KAZN: variants seen among roughly 807,000 people sequenced by gnomAD.
KAZN encodes kazrin.
Under a neutral mutation model 87.4 loss-of-function variants are expected in KAZN, and 40 were observed. That is an observed-to-expected ratio of 0.46 (90% confidence interval 0.36 to 0.60). The LOEUF is 0.60. Among genes scored for constraint, KAZN ranks in the 20% least tolerant of loss-of-function variants. The pLI is 0.00. For missense variants in KAZN, 898 were observed against 1,073.9 expected, an observed-to-expected ratio of 0.84 and a Z score of 2.29; for synonymous variants, 466 against 458.3, an observed-to-expected ratio of 1.02 and a Z score of -0.22.
At chr1:14,668,647 T>A (rs953040618) in intron 1 of KAZN, among the ~76,000 whole-genome samples, 1 of 151,948 alleles carries the variant, frequency 6.6e-6, no homozygotes, top group Non-Finnish European at 1.5e-5. Context: ...TGTTGCCTCC[T>A]CCCCTCCCTG....
chr1:13,972,839 G>A (rs2101053612), intron 1 of KAZN, among the ~76,000 whole-genome samples: 1 of 152,234 alleles, frequency 6.6e-6, no homozygotes, highest in African/African-American at 2.4e-5. Context: ...TAAAATTAAG[G>A]TTTTGACTAA....
chr1:14,510,951 G>T (rs146105848), intron 2 of KAZN, among the ~76,000 whole-genome samples: 12 of 152,200 alleles, frequency 7.9e-5, no homozygotes, highest in African/African-American at 2.9e-4. Context: ...AGATGTCAAA[G>T]TTGTCTTAAC....
Position 14,580,491 on chromosome 1 carries a change from T to C in KAZN, c.250-18492T>C. ...ACTCTATCTCAAATAAATAAATAAA[T>C]AAATAAATAAATAAATAAATAAATA... On this transcript the variant is annotated intron_variant, in intron 2 of 16. Transcript: ENST00000636203. Among the ~76,000 whole-genome samples the C allele has an allele frequency of 2.7e-5, 4 of 147,312 alleles. No homozygotes were observed. In the South Asian group the frequency reaches 8.4e-4, roughly 31 times the overall value.
Position 14,514,376 on chromosome 1 carries a change from AT to A in KAZN, c.250-84606del, listed in dbSNP as rs1196685814. ...TATTATATATATATTTATATATATA[AT>A]ATATATATATTATATATATTTATAT... On this transcript the variant is annotated intron_variant, in intron 2 of 16. Coordinates refer to the KAZN transcript ENST00000636203. 9.3e-4 allele frequency among the ~76,000 whole-genome samples: 7 copies of A among 7,558 alleles called. 3 individuals are homozygous for A. Among genetic ancestry groups the A allele is most frequent in the East Asian group, 3.4e-3 (3 of 888 alleles). The allele number at this position is 7,558 out of a possible 152,430, so 5.0% of individuals were successfully genotyped here. A position where few individuals can be genotyped will look rare whatever the true frequency, so the allele number is the denominator to read the frequency against.
intron 2 of KAZN, among the ~76,000 whole-genome samples, chr1:15,004,478 C>T (rs1402633024): frequency 1.3e-5 from 2 of 152,240 alleles, no homozygotes; most frequent in African/African-American, 4.8e-5. Flanking sequence ...GACCTTACCT[C>T]TCAGAACCTG....
At chr1:14,246,641 T>C (rs952570611) in intron 2 of KAZN, among the ~76,000 whole-genome samples, 2 of 152,122 alleles carry the variant, frequency 1.3e-5, no homozygotes, top group African/African-American at 2.4e-5. Flanking sequence ...CATTCTCTTT[T>C]CCCCCCAGCC....
chr1:14,597,096 T>G (rs1676557906), upstream of KAZN, among the ~76,000 whole-genome samples: 1 of 152,164 alleles, frequency 6.6e-6, no homozygotes, highest in African/African-American at 2.4e-5. Flanking sequence ...ATAACGTAAC[T>G]GAAAGACTGC....
intron 2 of KAZN, among the ~76,000 whole-genome samples, chr1:14,506,302 A>G (rs1670581852): frequency 6.6e-6 from 1 of 152,196 alleles, no homozygotes; most frequent in African/African-American, 2.4e-5. Flanking sequence ...TTTCTGTTAA[A>G]CCAGACTTCA....
intron 1 of KAZN, among the ~76,000 whole-genome samples, chr1:14,772,923 T>C (rs1645059536): frequency 6.6e-6 from 1 of 152,012 alleles, no homozygotes; most frequent in African/African-American, 2.4e-5. Context: ...TGCTTGGGTT[T>C]CCCGTGCCTG....
intron 1 of KAZN, among the ~76,000 whole-genome samples, chr1:14,763,938 A>G (rs1644812847): frequency 6.6e-6 from 1 of 152,092 alleles, no homozygotes; most frequent in South Asian, 2.1e-4. Context: ...TAGTAGAAAC[A>G]GGGTTTCAAC....
upstream of KAZN, chr1:14,598,630 A>C: frequency 9.0e-7 from 1 of 1,108,050 alleles, no homozygotes; most frequent in Non-Finnish European, 1.1e-6. This position sits in a 1 kb window ranked among gnomAD's most constrained non-coding sequence, Gnocchi z 4.2. Context: ...CCCCCTCCCG[A>C]GCCGGCGGCG....
intron 13 of KAZN, among the ~76,000 whole-genome samples, chr1:15,105,716 TG>T (rs2100727229): frequency 6.6e-6 from 1 of 152,004 alleles, no homozygotes; most frequent in Admixed American, 6.6e-5. Context: ...GTTATACAGG[TG>T]GGGAAACTGA....
At chr1:14,333,295 A>T (rs1656982476) in intron 2 of KAZN, among the ~76,000 whole-genome samples, 1 of 152,214 alleles carries the variant, frequency 6.6e-6, no homozygotes, top group Admixed American at 6.5e-5. Flanking sequence ...ATTGATGGGC[A>T]TTCGGGTTGA....
intron 1 of KAZN, among the ~76,000 whole-genome samples, chr1:14,669,000 G>A (rs977010171): frequency 8.5e-5 from 13 of 152,222 alleles, no homozygotes; most frequent in Admixed American, 7.8e-4. Context: ...CATGGCCTTG[G>A]ACAAAGGGGG....
At chr1:14,705,646 G>T (rs1015649794) in intron 1 of KAZN, among the ~76,000 whole-genome samples, 2 of 152,126 alleles carry the variant, frequency 1.3e-5, no homozygotes, top group Non-Finnish European at 2.9e-5. Context: ...GGTGGAACTG[G>T]AGGACATTAT....
At chr1:14,116,625 C>A (rs1644625045) in intron 1 of KAZN, among the ~76,000 whole-genome samples, 1 of 152,246 alleles carries the variant, frequency 6.6e-6, no homozygotes, top group East Asian at 1.9e-4. Context: ...GGGGTCAGAG[C>A]CCCCCACATG....
chr1:14,755,183 A>G (rs1474687), intron 1 of KAZN, among the ~76,000 whole-genome samples: 83,469 of 151,262 alleles, frequency 0.55, 23,945 homozygotes, highest in African/African-American at 0.67. Context: ...AGCCCAGGAG[A>G]CGGAGGTTGC....
At chr1:14,796,925 G>T (rs2100716746) in intron 1 of KAZN, among the ~76,000 whole-genome samples, 1 of 152,368 alleles carries the variant, frequency 6.6e-6, no homozygotes, top group East Asian at 1.9e-4. Context: ...GGTACCCCAT[G>T]TAAGGAAAAT....
At chr1:14,827,716 T>G (rs1006072742) in intron 1 of KAZN, among the ~76,000 whole-genome samples, 3 of 152,234 alleles carry the variant, frequency 2.0e-5, no homozygotes, top group Admixed American at 2.0e-4. Flanking sequence ...CAAGGGCCTT[T>G]CTGCCAGCAA....
Sources: gnomAD v4.1 joint callset for allele counts (sites outside exome capture counted in the v4.1 genomes callset) on GRCh38, gnomAD v4.1.1 for gene constraint, Gnocchi (gnomAD v3.1) non-coding constraint, MANE v1.5 for transcripts, NCBI Gene and HGNC (gene_info 2026-07-23, HGNC 2026-07-21) for gene names.